Variants in VPS8 observed in about 807,000 individuals in gnomAD.
VPS8 encodes vacuolar protein sorting-associated protein 8 homolog.
VPS8 carries 129 observed loss-of-function variants against 216.4 expected under a neutral mutation model. That is an observed-to-expected ratio of 0.60 (90% CI 0.52 to 0.69). VPS8 has a LOEUF of 0.69. Among genes scored for constraint, VPS8 ranks in the 30% least tolerant of loss-of-function variants. VPS8 has a pLI of 0.00. For synonymous variants in VPS8, 571 were observed against 565.4 expected (o/e 1.01, Z -0.14); for missense variants, 1,531 against 1,683.5 (o/e 0.91, Z 1.59).
At chr3:184,876,025 C>T (rs909995822) in intron 21 of VPS8, among the ~76,000 whole-genome samples, 2 of 151,592 alleles carry the variant, frequency 1.3e-5, no homozygotes, top group African/African-American at 4.8e-5. Flanking sequence ...ATTTCCTTAC[C>T]TCCTTCTCAT....
At chr3:184,984,183 C>CAAAAAAAAAAA (rs1453935100) in intron 42 of VPS8, among the ~76,000 whole-genome samples, 30 of 2,886 alleles carry the variant, frequency 0.01, 15 homozygotes, top group South Asian at 0.048. Context: ...GACTCCGTCT[C>CAAAAAAAAAAA]AAAAAAAAAA....
chr3:184,894,663 C>T, intron 22 of VPS8, 40 bp from the exon 23 acceptor site: 2 of 1,452,580 alleles, frequency 1.4e-6, no homozygotes, highest in Admixed American at 2.0e-5. Flanking sequence ...GGATATTTGG[C>T]ATGTTCCTAA....
chr3:184,856,019 C>T lies in VPS8; in HGVS notation c.1143+201C>T, dbSNP rs141949151. ...CTACATAACTTCTCATGGTTTATTT[C>T]TCAGCTTCATTTCTTTGACTGACAA... On this transcript the variant is annotated intron_variant, in intron 14 of 47. Coordinates refer to ENST00000625842, the MANE Select transcript of VPS8 (RefSeq NM_001009921.3). Among the ~76,000 whole-genome samples the T allele has an allele frequency of 4.5e-4, 68 of 152,280 alleles. No individual in the cohort carries two copies. The East Asian group carries it at 0.01, about 23-fold the overall frequency.
In VPS8 at chr3:184,870,729, T is replaced by A; in HGVS notation, c.1658T>A (p.Leu553Gln). 1.2e-6 allele frequency: 2 copies of A among 1,611,716 alleles called. No individual in the cohort carries two copies. The highest frequency in any genetic ancestry group is 3.3e-4 in the Middle Eastern group (2 of 6,060). Residue 553 changes from leucine to glutamine, a missense_variant, in exon 21 of 48, where the codon CTA becomes CAA. Leu to Gln is a moderately radical substitution (Grantham distance 113). Coordinates refer to ENST00000625842, the MANE Select transcript of VPS8 (RefSeq NM_001009921.3). ...TTTTCCTTACAGATGGTAGAAATCC[T>A]ATTCCATTATGCAGATCGAGCTCTG... ...AIVADRMVEI[L>Q]FHYADRALKK...
intron 45 of VPS8, among the ~76,000 whole-genome samples, chr3:185,009,305 G>A (rs13089847): frequency 0.23 from 34,639 of 148,898 alleles, 5,217 homozygotes; most frequent in East Asian, 0.53. Context: ...TTTTACCAGT[G>A]ATCAAAGAAA....
intron 10 of VPS8, among the ~76,000 whole-genome samples, chr3:184,852,038 G>A (rs1442113707): frequency 6.6e-6 from 1 of 152,212 alleles, no homozygotes; most frequent in African/African-American, 2.4e-5. Context: ...TTTAGATATA[G>A]TGGACTTACT....
At chr3:184,867,949 G>A (rs890390394) in intron 17 of VPS8, 75 bp from the exon 18 acceptor site, 29 of 1,480,926 alleles carry the variant, frequency 2.0e-5, no homozygotes, top group Non-Finnish European at 2.7e-5. Flanking sequence ...ATGAGATGTG[G>A]GACTAGGACA....
intron 42 of VPS8, among the ~76,000 whole-genome samples, chr3:184,986,448 G>A (rs763714628): frequency 5.9e-5 from 9 of 152,160 alleles, no homozygotes; most frequent in Non-Finnish European, 1.3e-4. Flanking sequence ...GCAGAGGAAT[G>A]ACTCAGACAC....
chr3:184,919,213 T>C (rs1738174265), intron 28 of VPS8: 1 of 152,238 alleles, frequency 6.6e-6, no homozygotes, highest in Non-Finnish European at 1.5e-5. Flanking sequence ...AGTTCATGGC[T>C]GTGAAATTCC....
intron 46 of VPS8, among the ~76,000 whole-genome samples, chr3:185,036,008 A>G (rs762476882): frequency 3.0e-4 from 46 of 152,182 alleles, no homozygotes; most frequent in Non-Finnish European, 5.3e-4. Context: ...CTCACTTTCT[A>G]TAGCCATAAA....
chr3:185,023,701 T>C (rs1316642069), intron 45 of VPS8, among the ~76,000 whole-genome samples: 2 of 152,182 alleles, frequency 1.3e-5, no homozygotes, highest in Non-Finnish European at 2.9e-5. Context: ...AGTGCTATCA[T>C]GGCATATTGT....
chr3:185,044,039 A>C (rs1216383374), intron 46 of VPS8, among the ~76,000 whole-genome samples: 2 of 152,096 alleles, frequency 1.3e-5, no homozygotes, highest in Non-Finnish European at 2.9e-5. Flanking sequence ...AAAATACAAA[A>C]ATTAGCTGGG....
intron 35 of VPS8, among the ~76,000 whole-genome samples, chr3:184,937,035 G>C (rs115526148): frequency 0.011 from 1,750 of 152,178 alleles, 40 homozygotes; most frequent in African/African-American, 0.039. Flanking sequence ...CCACATCTGG[G>C]CCACAACCCT....
intron 34 of VPS8, among the ~76,000 whole-genome samples, chr3:184,931,529 T>C (rs1740680569): frequency 6.6e-6 from 1 of 152,174 alleles, no homozygotes; most frequent in Non-Finnish European, 1.5e-5. Context: ...GTGGATACTT[T>C]GTTTTAGTTC....
intron 21 of VPS8, among the ~76,000 whole-genome samples, chr3:184,885,612 C>T (rs1326242006): frequency 3.3e-5 from 5 of 152,110 alleles, no homozygotes; most frequent in African/African-American, 1.2e-4. Flanking sequence ...GATTTATTTG[C>T]TTATGGTTTT....
At chr3:184,832,184 A>C (rs1720134813) in intron 3 of VPS8, among the ~76,000 whole-genome samples, 1 of 152,044 alleles carries the variant, frequency 6.6e-6, no homozygotes, top group Admixed American at 6.6e-5. Context: ...TTGGACTACT[A>C]CTTTTCCCAT....
chr3:184,820,035 TGGAAGAGGC>T (rs1054414492), intron 1 of VPS8, among the ~76,000 whole-genome samples: 12 of 152,146 alleles, frequency 7.9e-5, no homozygotes, highest in African/African-American at 2.7e-4. Context: ...CTGTCTTGGG[TGGAAGAGGC>T]GGAAGAAAAC....
chr3:185,038,242 T>A lies in VPS8; in HGVS notation c.4057-10237T>A, dbSNP rs2108492425. Among the ~76,000 whole-genome samples, 3 of 152,354 alleles carry A rather than the reference T, an allele frequency of 2.0e-5. No individual in the cohort carries two copies. In the South Asian group the frequency reaches 6.2e-4, roughly 32 times the overall value. ...TGCAGTCACCCTGGAATGACAGTGG[T>A]ATTGGCTGGGCTCTGGTTTTGTTGT... On this transcript the variant is annotated intron_variant, in intron 46 of 47. Coordinates refer to ENST00000625842, the MANE Select transcript of VPS8 (RefSeq NM_001009921.3).
In VPS8 at chr3:184,819,591, G is replaced by C. The variant is rs1010381310; in HGVS notation, c.-88-4954G>C. Among the ~76,000 whole-genome samples the C allele has an allele frequency of 4.6e-5, 7 of 152,300 alleles. No individual in the cohort carries two copies. In the East Asian group the frequency reaches 1.2e-3, roughly 25 times the overall value. ...ATTGGTGCATATATTGGAATGAAGG[G>C]CCTGCTTAATAAACACATGGGCAAC... On this transcript the variant is annotated intron_variant, in intron 1 of 47. Transcript: ENST00000625842.
Sources: allele counts gnomAD v4.1 joint callset (sites outside exome capture counted in the v4.1 genomes callset), GRCh38; gene constraint gnomAD v4.1.1; transcripts MANE v1.5; gene names NCBI Gene and HGNC (gene_info 2026-07-23, HGNC 2026-07-21).